CDK19: variants seen among roughly 807,000 people sequenced by gnomAD.
CDK19 encodes cyclin-dependent kinase 19.
A neutral mutation model predicts 68.3 loss-of-function variants in CDK19; 20 were observed. That is an observed-to-expected ratio of 0.29 (90% CI 0.21 to 0.43). CDK19 has a LOEUF of 0.43. Ranked by LOEUF, CDK19 falls within the 20% of genes least tolerant of loss-of-function variation. The pLI is 1.00. For missense variants in CDK19, 339 were observed against 623.5 expected (o/e 0.54, Z 4.86); for synonymous variants, 221 against 222.8 (o/e 0.99, Z 0.07).
At chr6:110,762,271 CTGAT>C (rs974529580) in intron 1 of CDK19, among the ~76,000 whole-genome samples, 48 of 152,274 alleles carry the variant, frequency 3.2e-4, no homozygotes, top group African/African-American at 1.1e-3. Context: ...CTTCTTCTCA[CTGAT>C]TGATTTCCCT....
chr6:110,705,054 T>C (rs1459890469), intron 2 of CDK19, among the ~76,000 whole-genome samples: 1 of 151,630 alleles, frequency 6.6e-6, no homozygotes, highest in African/African-American at 2.4e-5. Flanking sequence ...TTTTTTTTTT[T>C]TTTTGGAGAT....
chr6:110,781,417 T>A (rs1165002868), intron 1 of CDK19, among the ~76,000 whole-genome samples: 1 of 152,034 alleles, frequency 6.6e-6, no homozygotes, highest in Non-Finnish European at 1.5e-5. Context: ...CCCAAACACT[T>A]CCCAGTTAGC....
chr6:110,776,293 G>C (rs1780389016), intron 1 of CDK19, among the ~76,000 whole-genome samples: 1 of 152,158 alleles, frequency 6.6e-6, no homozygotes, highest in Non-Finnish European at 1.5e-5. Flanking sequence ...GCTGGGCGCA[G>C]TGGCATGCAA....
At chr6:110,708,500 CTT>C (rs1360556144) in intron 2 of CDK19, among the ~76,000 whole-genome samples, 6 of 152,176 alleles carry the variant, frequency 3.9e-5, no homozygotes, top group Admixed American at 3.9e-4. Flanking sequence ...TGTTCCTACT[CTT>C]GTTTCCAGCC....
chr6:110,749,193 T>C (rs772873376), intron 1 of CDK19, among the ~76,000 whole-genome samples: 3 of 152,230 alleles, frequency 2.0e-5, no homozygotes, highest in African/African-American at 4.8e-5. Flanking sequence ...ATAAATGCTA[T>C]ATAGAATTTT....
At chr6:110,764,458 T>C (rs1779434896) in intron 1 of CDK19, among the ~76,000 whole-genome samples, 4 of 152,076 alleles carry the variant, frequency 2.6e-5, no homozygotes, top group Admixed American at 2.6e-4. Context: ...CTCACACAAA[T>C]ATACTCACAT....
intron 1 of CDK19, 166 bp downstream of exon 1, chr6:110,814,843 C>A: frequency 1.2e-6 from 1 of 867,430 alleles, no homozygotes. Flanking sequence ...GCGGGGGAGG[C>A]GGGCGGAACG....
intron 1 of CDK19, 96 bp downstream of exon 1, chr6:110,814,913 G>C: frequency 6.5e-7 from 1 of 1,537,992 alleles, no homozygotes; most frequent in Non-Finnish European, 8.9e-7. Context: ...CTCGCCCCTC[G>C]GGCACGGCCC....
chr6:110,623,774 A>G (rs1181795760), intron 8 of CDK19, among the ~76,000 whole-genome samples: 1 of 87,296 alleles, frequency 1.1e-5, no homozygotes, highest in African/African-American at 5.6e-5. Context: ...ACACATATAT[A>G]TACATATATA....
chr6:110,620,104 A>G (rs918329261), intron 12 of CDK19, among the ~76,000 whole-genome samples: 2 of 152,104 alleles, frequency 1.3e-5, no homozygotes, highest in Non-Finnish European at 2.9e-5. Context: ...ATTGGAACCA[A>G]GTGGAAGTAT....
Position 110,667,592 on chromosome 6 carries a change from AC to A in CDK19, c.316-19del, listed in dbSNP as rs201274588. On this transcript the variant is annotated intron_variant, in intron 3 of 12. Coordinates refer to ENST00000368911, the MANE Select transcript of CDK19 (RefSeq NM_015076.5). ...ATAATATGCTAAAAATTAAAAAAAA[AC>A]ATAATAATATAGTCTTTGCTAATAT... 88 of 1,345,770 alleles carry A rather than the reference AC, an allele frequency of 6.5e-5. 1 individual carries two copies. Among genetic ancestry groups the A allele is most frequent in the Middle Eastern group, 1.9e-4 (1 of 5,388 alleles). The allele number at this position is 1,345,770 out of a possible 1,614,324, so 83.4% of individuals were successfully genotyped here.
At chr6:110,720,320 G>A (rs944659705) in intron 2 of CDK19, among the ~76,000 whole-genome samples, 6 of 152,072 alleles carry the variant, frequency 3.9e-5, no homozygotes, top group African/African-American at 1.4e-4. Flanking sequence ...ACGATCTTTG[G>A]CAGAGTCTTT....
chr6:110,685,378 C>A (rs988663510), intron 2 of CDK19, among the ~76,000 whole-genome samples: 1 of 152,174 alleles, frequency 6.6e-6, no homozygotes, highest in Non-Finnish European at 1.5e-5. Flanking sequence ...TTCTAAGAGG[C>A]CTTCCCTGAA....
At chr6:110,651,021 C>G (rs779224898) in intron 4 of CDK19, among the ~76,000 whole-genome samples, 2 of 151,982 alleles carry the variant, frequency 1.3e-5, no homozygotes, top group Non-Finnish European at 2.9e-5. Flanking sequence ...AGCAGACTGG[C>G]TAATGAGAGA....
chr6:110,643,498 TAAAA>T (rs1280596475), intron 4 of CDK19, among the ~76,000 whole-genome samples: 27 of 152,234 alleles, frequency 1.8e-4, no homozygotes, highest in Admixed American at 1.2e-3. Context: ...AGCTAAAAAT[TAAAA>T]CAATTGGCTG....
At chr6:110,708,566 G>A (rs1468677778) in intron 2 of CDK19, among the ~76,000 whole-genome samples, 2 of 152,136 alleles carry the variant, frequency 1.3e-5, no homozygotes, top group African/African-American at 4.8e-5. Flanking sequence ...CAGGCTCTCC[G>A]ACCAACCTCT....
intron 5 of CDK19, among the ~76,000 whole-genome samples, chr6:110,636,319 A>T (rs1307951491): frequency 6.6e-6 from 1 of 152,242 alleles, no homozygotes; most frequent in Non-Finnish European, 1.5e-5. Context: ...TCATAAATCC[A>T]TGATCCTGAG....
intron 1 of CDK19, among the ~76,000 whole-genome samples, chr6:110,808,324 T>C (rs1463829144): frequency 2.0e-5 from 3 of 151,924 alleles, no homozygotes; most frequent in African/African-American, 7.3e-5. Context: ...GAAAGTTCTA[T>C]TGGACATCAC....
chr6:110,718,751 C>T (rs1228977802), intron 2 of CDK19, among the ~76,000 whole-genome samples: 1 of 151,374 alleles, frequency 6.6e-6, no homozygotes, highest in Non-Finnish European at 1.5e-5. Flanking sequence ...TTGCCATTCA[C>T]AGATAGTTGC....
Sources: allele counts gnomAD v4.1 joint callset (sites outside exome capture counted in the v4.1 genomes callset), GRCh38; gene constraint gnomAD v4.1.1; transcripts MANE v1.5; gene names NCBI Gene and HGNC (gene_info 2026-07-23, HGNC 2026-07-21).